The following COL8A2 variants were observed in gnomAD, a reference collection of about 807,000 sequenced individuals.
COL8A2 encodes the protein collagen type VIII alpha 2 chain.
COL8A2 carries 16 observed loss-of-function variants against 24.0 expected under a neutral mutation model. The ratio of observed to expected loss-of-function variants is 0.67; its 90% CI spans 0.45 to 1.01. The LOEUF is 1.01. Among genes scored for constraint, COL8A2 ranks in the 50% least tolerant of loss-of-function variants. The pLI is 0.00. For missense variants in COL8A2, 818 were observed against 942.4 expected, an observed-to-expected ratio of 0.87 and a Z score of 1.73; for synonymous variants, 466 against 424.5, an observed-to-expected ratio of 1.10 and a Z score of -1.20.
rs1347394249 is a variant in COL8A2 at position 36,123,798 on chromosome 1, T to C, written c.-62+1259A>G. On this transcript the variant is annotated intron_variant, in intron 1 of 3. Transcript: ENST00000397799. The surrounding 1 kb of genome is among the most constrained non-coding windows in gnomAD (Gnocchi z 4.1). Reference sequence around the variant, plus strand: ...GAGCATGTCTGTGGTTTCTCCTCATTATCATCTAGGGTCATTGTGTGTCCA... The same window carrying C: ...GAGCATGTCTGTGGTTTCTCCTCATCATCATCTAGGGTCATTGTGTGTCCA... 6.6e-6 allele frequency among the ~76,000 whole-genome samples: 1 copy of C among 152,262 alleles called. No homozygotes were observed. The highest frequency in any genetic ancestry group is 1.9e-4 in the East Asian group (1 of 5,184).
At chr1:36,108,035 C>T (rs1643786219) in intron 2 of COL8A2, among the ~76,000 whole-genome samples, 1 of 152,208 alleles carries the variant, frequency 6.6e-6, no homozygotes, top group South Asian at 2.1e-4. Context: ...CAGTGATGCT[C>T]CAGTGTTTGA....
rs1174553151 is a variant in COL8A2 at position 36,125,154 on chromosome 1, T to G, written c.-159A>C. 1 of 610,676 alleles carries G rather than the reference T, an allele frequency of 1.6e-6. No homozygotes were observed. Among genetic ancestry groups the G allele is most frequent in the African/African-American group, 2.0e-5 (1 of 49,718 alleles). 37.8% of individuals were successfully genotyped at this position (610,676 alleles called of 1,614,324 possible). A position where few individuals can be genotyped will look rare whatever the true frequency, so the allele number is the denominator to read the frequency against. ...GCGTCCGCGGCTGGGCGGGCGGCGT[T>G]GGGGTCCGGGGTCCGCGCCGGCGGG... On this transcript the variant is annotated 5_prime_UTR_variant, in exon 1 of 4. Transcript: ENST00000397799. This position sits in a 1 kb window ranked among gnomAD's most constrained non-coding sequence, Gnocchi z 4.5.
chr1:36,104,054 C>T (rs1359196275), intron 2 of COL8A2, among the ~76,000 whole-genome samples: 1 of 151,636 alleles, frequency 6.6e-6, no homozygotes, highest in Admixed American at 6.6e-5. Flanking sequence ...AATAGCCAGG[C>T]GTGGCAGCAG....
intron 2 of COL8A2, among the ~76,000 whole-genome samples, chr1:36,114,132 C>T (rs559519465): frequency 4.1e-5 from 6 of 147,440 alleles, no homozygotes; most frequent in African/African-American, 1.3e-4. Flanking sequence ...TCCTGGCTAA[C>T]ATGGTGAAAC....
chr1:36,107,883 A>G (rs1570042248), intron 2 of COL8A2, among the ~76,000 whole-genome samples: 1 of 151,714 alleles, frequency 6.6e-6, no homozygotes, highest in Admixed American at 6.6e-5. Flanking sequence ...CCCTCTCGAC[A>G]CCTGGGAAAC....
rs1278158932 is a variant in COL8A2 at position 36,097,549 on chromosome 1, AGCAGGACCCCCCCC to A, written c.*6_*19del. The A allele has an allele frequency of 2.5e-6, 4 of 1,570,092 alleles. No individual in the cohort carries two copies. Among genetic ancestry groups the A allele is most frequent in the Non-Finnish European group, 3.5e-6 (4 of 1,147,200 alleles). ...CCACTAAAGGGGAGGAGGCCAGGGC[AGCAGGACCCCCCCC>A]GCGGGTTATGTGGGGCAGAGCAAGA... On this transcript the variant is annotated 3_prime_UTR_variant, in exon 4 of 4. Coordinates refer to ENST00000397799, the MANE Select transcript of COL8A2 (RefSeq NM_005202.4).
chr1:36,108,529 G>A (rs946909869), intron 2 of COL8A2, among the ~76,000 whole-genome samples: 2 of 152,206 alleles, frequency 1.3e-5, no homozygotes, highest in Admixed American at 6.5e-5. Context: ...TGGCGGCCTC[G>A]GGTAGATGCA....
At chr1:36,124,281 C>T (rs1643935071) in intron 1 of COL8A2, among the ~76,000 whole-genome samples, 1 of 152,194 alleles carries the variant, frequency 6.6e-6, no homozygotes, top group African/African-American at 2.4e-5. Flanking sequence ...CAAAGTTTTC[C>T]CCGTGGCAAT....
At chr1:36,102,870 A>T (rs966864050) in intron 2 of COL8A2, among the ~76,000 whole-genome samples, 1 of 151,708 alleles carries the variant, frequency 6.6e-6, no homozygotes, top group Non-Finnish European at 1.5e-5. Flanking sequence ...ATGGGGTTTC[A>T]CCATGTTGGC....
Position 36,096,227 on chromosome 1 carries a change from ACTCAT to A in COL8A2, c.*1337_*1341del, listed in dbSNP as rs1229106937. 6.6e-6 allele frequency: 1 copy of A among 152,248 alleles called. No homozygotes were observed. The highest frequency in any genetic ancestry group is 1.5e-5 in the Non-Finnish European group (1 of 68,066). 9.4% of individuals were successfully genotyped at this position (152,248 alleles called of 1,614,324 possible). On this transcript the variant is annotated 3_prime_UTR_variant, in exon 4 of 4. Coordinates refer to ENST00000397799, the MANE Select transcript of COL8A2 (RefSeq NM_005202.4). ...AGCAGGAATGTCCACCACTCCCAGCACTCATCTCAGCCTTATCCACTCCGCTTGAC... is the reference window on the plus strand; with the variant it reads ...AGCAGGAATGTCCACCACTCCCAGCACTCAGCCTTATCCACTCCGCTTGAC...
rs375726892 is a variant in COL8A2, at chr1:36,123,121, G to C, written c.-62+1936C>G. On this transcript the variant is annotated intron_variant, in intron 1 of 3. Transcript: ENST00000397799. The surrounding 1 kb of genome is among the most constrained non-coding windows in gnomAD (Gnocchi z 4.1). Reference sequence around the variant, plus strand: ...TGCCCCTCCTCGGGTACCTAGTAGGGCACCGTGAGACCACAGCCACACCCC... The same window carrying C: ...TGCCCCTCCTCGGGTACCTAGTAGGCCACCGTGAGACCACAGCCACACCCC... Among the ~76,000 whole-genome samples the C allele has an allele frequency of 6.6e-6, 1 of 152,182 alleles. No individual in the cohort carries two copies. Among genetic ancestry groups the C allele is most frequent in the Non-Finnish European group, 1.5e-5 (1 of 68,034 alleles).
At chr1:36,111,463 T>C (rs1643839264) in intron 2 of COL8A2, among the ~76,000 whole-genome samples, 4 of 152,182 alleles carry the variant, frequency 2.6e-5, no homozygotes, top group Middle Eastern at 6.8e-3. Flanking sequence ...GTTTCTCCTA[T>C]AGTGTCTAGC....
At position 36,097,532 on chromosome 1, in the gene COL8A2, G is replaced by A; in HGVS notation, c.*37C>T. ...TTGAAAAGGTCGCTCTACCACTAAA[G>A]GGGAGGAGGCCAGGGCAGCAGGACC... On this transcript the variant is annotated 3_prime_UTR_variant, in exon 4 of 4. Coordinates refer to ENST00000397799, the MANE Select transcript of COL8A2 (RefSeq NM_005202.4). 6.7e-7 allele frequency: 1 copy of A among 1,494,876 alleles called. No individual in the cohort carries two copies. The highest frequency in any genetic ancestry group is 1.4e-5 in the African/African-American group (1 of 71,902). 92.6% of individuals were successfully genotyped at this position (1,494,876 alleles called of 1,614,324 possible).
At position 36,116,718 on chromosome 1, in the gene COL8A2, G is replaced by C. The variant is rs573023851; in HGVS notation, c.-61-966C>G. Among the ~76,000 whole-genome samples, 3 of 152,328 alleles carry C rather than the reference G, an allele frequency of 2.0e-5. No individual in the cohort carries two copies. The South Asian group carries it at 6.2e-4, about 32-fold the overall frequency. On this transcript the variant is annotated intron_variant, in intron 1 of 3. Transcript: ENST00000397799. ...CTGAAAGGCAGATGAGGTGATAGAA[G>C]GAATTTCAGGTAGTAATATACAGGG...
chr1:36,120,747 C>CAA (rs34157391), intron 1 of COL8A2, among the ~76,000 whole-genome samples: 196 of 98,158 alleles, frequency 2.0e-3, no homozygotes, highest in East Asian at 6.6e-3. Flanking sequence ...GACTCCGTCT[C>CAA]AAAAAAAAAA....
chr1:36,110,315 C>T (rs1254376653), intron 2 of COL8A2, among the ~76,000 whole-genome samples: 1 of 151,700 alleles, frequency 6.6e-6, no homozygotes, highest in Non-Finnish European at 1.5e-5. Flanking sequence ...AGCCACCAGT[C>T]CCTCCATGTG....
At position 36,124,312 on chromosome 1, in the gene COL8A2, C is replaced by T. The variant is rs200813637; in HGVS notation, c.-62+745G>A. 7.2e-5 allele frequency among the ~76,000 whole-genome samples: 11 copies of T among 152,314 alleles called. No individual in the cohort carries two copies. In the East Asian group the frequency reaches 2.1e-3, roughly 29 times the overall value. ...GCAATAGCGTTCCTGGGCCCTCTGGCTGAATAGCATTTCTCTACCTGGAGG... is the reference window on the plus strand; with the variant it reads ...GCAATAGCGTTCCTGGGCCCTCTGGTTGAATAGCATTTCTCTACCTGGAGG... On this transcript the variant is annotated intron_variant, in intron 1 of 3. Transcript: ENST00000397799.
rs1317678323 is a variant in COL8A2, at chr1:36,098,778, T to C, written c.903A>G (p.Pro301=). ...TCAGCCCAGGGGGGCCCCGGGTCCC[T>C]GGCTCCCCTTTGGCCCCTGATGGGC... is the stretch of plus-strand genomic sequence containing the variant. ...PQGPSGAKGE[P]GTRGPPGLIG... Residue 301 remains proline, a synonymous_variant, in exon 4 of 4, where the codon CCA becomes CCG. Transcript: ENST00000397799. 1.2e-6 allele frequency: 2 copies of C among 1,611,056 alleles called. No individual in the cohort carries two copies. Among genetic ancestry groups the C allele is most frequent in the South Asian group, 1.1e-5 (1 of 90,994 alleles).
chr1:36,112,600 G>T (rs1364732618), intron 2 of COL8A2, among the ~76,000 whole-genome samples: 1 of 151,980 alleles, frequency 6.6e-6, no homozygotes, highest in Non-Finnish European at 1.5e-5. Context: ...ACTCAGCCCA[G>T]CACCTGGCAC....
Sources: gnomAD v4.1 joint callset for allele counts (sites outside exome capture counted in the v4.1 genomes callset) on GRCh38, gnomAD v4.1.1 for gene constraint, Gnocchi (gnomAD v3.1) non-coding constraint, MANE v1.5 for transcripts, NCBI Gene and HGNC (gene_info 2026-07-23, HGNC 2026-07-21) for gene names.